Variants in CCDC81 observed in about 807,000 individuals in gnomAD.
CCDC81 encodes coiled-coil domain-containing protein 81.
In CCDC81, 79 loss-of-function variants were observed where a neutral mutation model predicts 83.7. The observed-to-expected ratio is 0.94, with a 90% CI of 0.79 to 1.14. CCDC81 has a LOEUF of 1.14. Ranked by LOEUF, CCDC81 falls within the 50% of genes most tolerant of loss-of-function variation. CCDC81 has a pLI of 0.00. For synonymous variants in CCDC81, 252 were observed against 278.1 expected, an observed-to-expected ratio of 0.91 and a Z score of 0.93; for missense variants, 791 against 778.1, an observed-to-expected ratio of 1.02 and a Z score of -0.20.
chr11:86,397,848 T>C (rs1565763265), intron 6 of CCDC81, 106 bp downstream of exon 6: 9 of 1,298,320 alleles, frequency 6.9e-6, no homozygotes, highest in East Asian at 5.4e-5. Context: ...ATAATCACTA[T>C]ATTATTATTA....
intron 1 of CCDC81, 95 bp from the exon 2 acceptor site, chr11:86,385,956 C>A: frequency 3.7e-6 from 2 of 540,512 alleles, no homozygotes; most frequent in Non-Finnish European, 6.7e-6. Flanking sequence ...TTTGCTTCCA[C>A]ATTTCATATT....
intron 3 of CCDC81, among the ~76,000 whole-genome samples, chr11:86,390,113 A>G (rs980932581): frequency 1.3e-5 from 2 of 152,144 alleles, no homozygotes; most frequent in African/African-American, 2.4e-5. Context: ...CAAGAAAAAA[A>G]GAAAAAAAAT....
At chr11:86,390,863 G>C (rs867248420) in intron 3 of CCDC81, among the ~76,000 whole-genome samples, 1 of 152,204 alleles carries the variant, frequency 6.6e-6, no homozygotes, top group African/African-American at 2.4e-5. Context: ...TGAGATACAT[G>C]TGGGGATATT....
intron 9 of CCDC81, among the ~76,000 whole-genome samples, chr11:86,408,970 T>C (rs941875244): frequency 1.3e-5 from 2 of 152,210 alleles, no homozygotes; most frequent in African/African-American, 4.8e-5. Context: ...ATTTATGTGG[T>C]GTCTAATAAT....
chr11:86,406,752 C>G (rs1948571660), intron 7 of CCDC81, among the ~76,000 whole-genome samples: 1 of 152,188 alleles, frequency 6.6e-6, no homozygotes, highest in Non-Finnish European at 1.5e-5. Flanking sequence ...TTGCAGTGAG[C>G]TGAGATTGCG....
chr11:86,405,611 C>T (rs143033398), intron 7 of CCDC81, among the ~76,000 whole-genome samples: 1 of 152,094 alleles, frequency 6.6e-6, no homozygotes, highest in African/African-American at 2.4e-5. Context: ...AGTATGCTTT[C>T]AATTTCCTTC....
chr11:86,384,392 G>A (rs1239192830), intron 1 of CCDC81, among the ~76,000 whole-genome samples: 2 of 152,062 alleles, frequency 1.3e-5, no homozygotes. Context: ...TTAATGAGGG[G>A]CAGAATCTTG....
chr11:86,414,669 T>C (rs1948690703), intron 11 of CCDC81, 120 bp from the exon 12 acceptor site: 1 of 643,996 alleles, frequency 1.6e-6, no homozygotes, highest in African/African-American at 1.9e-5. Context: ...AAAACATCAA[T>C]TTTTATTTAC....
chr11:86,417,748 T>C (rs994004247), intron 13 of CCDC81, among the ~76,000 whole-genome samples: 57 of 148,538 alleles, frequency 3.8e-4, no homozygotes, highest in Non-Finnish European at 4.5e-4. Flanking sequence ...TAATTTTCCT[T>C]TTTTTTTTTG....
chr11:86,391,918 G>A (rs572704887), intron 3 of CCDC81, among the ~76,000 whole-genome samples: 1 of 152,328 alleles, frequency 6.6e-6, no homozygotes, highest in South Asian at 2.1e-4. Flanking sequence ...AAGCAGTCAT[G>A]TCTTACAAGG....
At chr11:86,388,210 C>CT (rs1555190674) in intron 3 of CCDC81, among the ~76,000 whole-genome samples, 1 of 144,296 alleles carries the variant, frequency 6.9e-6, no homozygotes. Flanking sequence ...CCCTCCTTCC[C>CT]TCCTTCCTTC....
At chr11:86,389,536 A>G (rs900794639) in intron 3 of CCDC81, among the ~76,000 whole-genome samples, 15 of 152,140 alleles carry the variant, frequency 9.9e-5, no homozygotes, top group Non-Finnish European at 1.3e-4. Context: ...ACATCTTACC[A>G]TGGCGGAGCA....
At chr11:86,400,543 C>T in intron 6 of CCDC81, 135 bp from the exon 7 acceptor site, 4 of 878,960 alleles carry the variant, frequency 4.6e-6, no homozygotes, top group South Asian at 2.6e-5. Context: ...TTTTTTATAC[C>T]ACAATAGAAC....
At chr11:86,400,119 A>G (rs1381417649) in intron 6 of CCDC81, among the ~76,000 whole-genome samples, 1 of 143,156 alleles carries the variant, frequency 7.0e-6, no homozygotes, top group African/African-American at 2.7e-5. Flanking sequence ...CGACAGAGTC[A>G]GACTCCATCT....
At position 86,422,790 on chromosome 11, in the gene CCDC81, C is replaced by T. The variant is rs542129117; in HGVS notation, c.*75C>T. The T allele has an allele frequency of 9.3e-6, 13 of 1,391,460 alleles. No homozygotes were observed. The highest frequency in any genetic ancestry group is 2.4e-5 in the East Asian group (1 of 42,454). 86.2% of individuals were successfully genotyped at this position (1,391,460 alleles called of 1,614,324 possible). ...ATGTTTGGGGGTGATTGTGAAACTG[C>T]GTATTTTTACCTCAGAGAAAAAAAT... On this transcript the variant is annotated 3_prime_UTR_variant, in exon 15 of 15. Coordinates refer to ENST00000445632, the MANE Select transcript of CCDC81 (RefSeq NM_001156474.2).
chr11:86,388,192 T>TCCCCCTTC (rs1565759425), intron 3 of CCDC81, among the ~76,000 whole-genome samples: 2 of 127,156 alleles, frequency 1.6e-5, no homozygotes, highest in African/African-American at 3.2e-5. Context: ...CTCCCTCCTT[T>TCCCCCTTC]CCTCCTTCCC....
chr11:86,421,317 CT>C (rs1200880678), intron 14 of CCDC81, among the ~76,000 whole-genome samples: 7 of 149,490 alleles, frequency 4.7e-5, no homozygotes, highest in Admixed American at 2.0e-4. Flanking sequence ...CTTGATAATC[CT>C]TTTTTTTTTG....
At chr11:86,382,605 G>A (rs975255486) in intron 1 of CCDC81, among the ~76,000 whole-genome samples, 1 of 152,112 alleles carries the variant, frequency 6.6e-6, no homozygotes, top group South Asian at 2.1e-4. Context: ...CTCAAAGAGG[G>A]GGTGGCAAGG....
intron 7 of CCDC81, among the ~76,000 whole-genome samples, chr11:86,402,005 A>G (rs1401135678): frequency 2.6e-5 from 4 of 151,664 alleles, no homozygotes; most frequent in Non-Finnish European, 4.4e-5. Flanking sequence ...TGTGGTGGTG[A>G]GCGCCTGTAA....
Sources: allele counts gnomAD v4.1 joint callset (sites outside exome capture counted in the v4.1 genomes callset), GRCh38; gene constraint gnomAD v4.1.1; transcripts MANE v1.5; gene names NCBI Gene and HGNC (gene_info 2026-07-23, HGNC 2026-07-21).